TBCEL: variants seen among roughly 807,000 people sequenced by gnomAD.
TBCEL encodes tubulin-specific chaperone cofactor E-like protein.
Under a neutral mutation model 44.2 loss-of-function variants are expected in TBCEL, and 15 were observed. That is an observed-to-expected ratio of 0.34 (90% CI 0.23 to 0.52). TBCEL has a LOEUF of 0.52. TBCEL is among the 20% of genes least tolerant of loss of function. TBCEL has a pLI of 0.95. For synonymous variants in TBCEL, 171 were observed against 185.4 expected (o/e 0.92, Z 0.63); for missense variants, 319 against 506.3 (o/e 0.63, Z 3.55).
intron 8 of TBCEL, among the ~76,000 whole-genome samples, 191 bp downstream of exon 8, chr11:121,060,276 T>A (rs1033666094): frequency 1.1e-4 from 17 of 151,968 alleles, no homozygotes; most frequent in Non-Finnish European, 1.5e-5. Context: ...TTCTTTCAGC[T>A]TTGCACATGT....
intron 2 of TBCEL, among the ~76,000 whole-genome samples, chr11:121,043,447 T>C (rs1485342385): frequency 6.6e-6 from 1 of 152,136 alleles, no homozygotes; most frequent in Non-Finnish European, 1.5e-5. Flanking sequence ...GAAGTAAATA[T>C]GTCACCACTA....
intron 6 of TBCEL, among the ~76,000 whole-genome samples, chr11:121,056,883 C>G (rs12286041): frequency 0.013 from 1,898 of 151,792 alleles, 36 homozygotes; most frequent in African/African-American, 0.043. Context: ...AATAACAGTT[C>G]TTTATGAGAT....
intron 1 of TBCEL, among the ~76,000 whole-genome samples, chr11:121,029,289 C>T (rs1945102250): frequency 6.6e-6 from 1 of 152,110 alleles, no homozygotes; most frequent in African/African-American, 2.4e-5. Context: ...CATGTATTCC[C>T]ACCTCTGCCA....
intron 4 of TBCEL, among the ~76,000 whole-genome samples, chr11:121,048,990 C>T (rs1226061449): frequency 6.6e-6 from 1 of 151,928 alleles, no homozygotes; most frequent in Admixed American, 6.6e-5. Flanking sequence ...AGCACCTACA[C>T]TATACCACTG....
At chr11:121,027,712 T>C (rs1230838704) in intron 1 of TBCEL, among the ~76,000 whole-genome samples, 5 of 152,234 alleles carry the variant, frequency 3.3e-5, no homozygotes, top group Non-Finnish European at 7.3e-5. Flanking sequence ...CTTTGAAGTC[T>C]TTGTTGCTTA....
At chr11:121,065,114 T>A (rs1204060178) in intron 8 of TBCEL, among the ~76,000 whole-genome samples, 1 of 152,162 alleles carries the variant, frequency 6.6e-6, no homozygotes, top group Non-Finnish European at 1.5e-5. Flanking sequence ...GTGTGAGCCA[T>A]TGCACCCGGC....
intron 8 of TBCEL, among the ~76,000 whole-genome samples, chr11:121,068,073 G>A (rs984188765): frequency 6.6e-6 from 1 of 152,184 alleles, no homozygotes; most frequent in Non-Finnish European, 1.5e-5. Flanking sequence ...CAGTCCCGAG[G>A]CTTTCAGTGC....
chr11:121,060,932 C>G (rs946293005), intron 8 of TBCEL, among the ~76,000 whole-genome samples: 1 of 151,930 alleles, frequency 6.6e-6, no homozygotes, highest in African/African-American at 2.4e-5. Flanking sequence ...GGTTCTAATT[C>G]ATTCTTATTG....
chr11:121,060,724 A>T (rs924332524), intron 8 of TBCEL, among the ~76,000 whole-genome samples: 2 of 151,950 alleles, frequency 1.3e-5, no homozygotes, highest in Admixed American at 6.6e-5. Context: ...AGAAAAAAAA[A>T]TACCCCCCAA....
intron 1 of TBCEL, among the ~76,000 whole-genome samples, chr11:121,025,956 C>G (rs979659215): frequency 6.6e-6 from 1 of 152,096 alleles, no homozygotes; most frequent in African/African-American, 2.4e-5. Flanking sequence ...ATATGAGAGG[C>G]CTAGTTCCAC....
chr11:121,061,607 T>C (rs969758960), intron 8 of TBCEL, among the ~76,000 whole-genome samples: 3 of 152,100 alleles, frequency 2.0e-5, no homozygotes, highest in Non-Finnish European at 4.4e-5. Context: ...GTACAGCATG[T>C]GACTATAATG....
intron 8 of TBCEL, among the ~76,000 whole-genome samples, chr11:121,075,696 T>C (rs910057378): frequency 6.6e-6 from 1 of 151,970 alleles, no homozygotes; most frequent in Non-Finnish European, 1.5e-5. Context: ...CCTATACATC[T>C]TTTATTAGAT....
Position 121,089,806 on chromosome 11 carries a change from T to C in TBCEL, c.*2710T>C, listed in dbSNP as rs1946266045. 2.0e-5 allele frequency: 3 copies of C among 152,200 alleles called. No individual in the cohort carries two copies. The highest frequency in any genetic ancestry group is 2.1e-4 in the South Asian group (1 of 4,826). The allele number at this position is 152,200 out of a possible 1,614,324, so 9.4% of individuals were successfully genotyped here. A position where few individuals can be genotyped will look rare whatever the true frequency, so the allele number is the denominator to read the frequency against. On this transcript the variant is annotated 3_prime_UTR_variant, in exon 9 of 9. Coordinates refer to ENST00000683345, the MANE Select transcript of TBCEL (RefSeq NM_001363644.2). ...GCTGTCATAGCCAGTATTACTGATA[T>C]GTTGCTACAGACACAATGTATAGAA...
At chr11:121,033,004 CTT>C (rs970747479) in intron 1 of TBCEL, among the ~76,000 whole-genome samples, 1 of 152,122 alleles carries the variant, frequency 6.6e-6, no homozygotes, top group African/African-American at 2.4e-5. Context: ...TTTTAGGAAA[CTT>C]AGCATTAGCA....
intron 8 of TBCEL, among the ~76,000 whole-genome samples, chr11:121,084,123 T>C (rs1405044769): frequency 3.9e-5 from 6 of 152,192 alleles, no homozygotes; most frequent in Non-Finnish European, 7.4e-5. Context: ...CCTAGTCGCC[T>C]CTAAAAGGTG....
In TBCEL at chr11:121,058,522, A is replaced by G. The variant is rs764373471; in HGVS notation, c.839+51A>G. 1.9e-6 allele frequency: 3 copies of G among 1,601,062 alleles called. No individual in the cohort carries two copies. The East Asian group carries it at 6.7e-5, about 36-fold the overall frequency. On this transcript the variant is annotated intron_variant, in intron 7 of 8. Transcript: ENST00000683345. ...TATTTTTGTGAGGCCTTATTGTTTC[A>G]TTAAAGGAATAATGCACTGTTTAGT...
chr11:121,068,406 A>G (rs1945861978), intron 8 of TBCEL, among the ~76,000 whole-genome samples: 1 of 148,506 alleles, frequency 6.7e-6, no homozygotes, highest in African/African-American at 2.5e-5. Context: ...TTTCAGTTCT[A>G]CTTTCAAAAC....
chr11:121,032,743 A>G (rs1945166699), intron 1 of TBCEL, among the ~76,000 whole-genome samples: 1 of 152,200 alleles, frequency 6.6e-6, no homozygotes, highest in Admixed American at 6.5e-5. Flanking sequence ...GATCATGGAA[A>G]GGACACTTGT....
rs372272358 is a variant in TBCEL, at chr11:121,086,871, T to C, written c.1050T>C (p.Phe350=). 9 of 1,613,872 alleles carry C rather than the reference T, an allele frequency of 5.6e-6. No individual in the cohort carries two copies. The highest frequency in any genetic ancestry group is 3.4e-6 in the Non-Finnish European group (4 of 1,179,974). ...PQSSAKVEVH[F]NDQVEEMSIR... ...GCAGTGCAAAAGTAGAAGTCCACTT[T>C]AACGATCAGGTGGAAGAAATGAGCA... is the stretch of plus-strand genomic sequence containing the variant. Residue 350 remains phenylalanine (F), a synonymous_variant, in exon 9 of 9, where the codon TTT becomes TTC. Transcript: ENST00000683345.
Sources: allele counts gnomAD v4.1 joint callset (sites outside exome capture counted in the v4.1 genomes callset), GRCh38; gene constraint gnomAD v4.1.1; transcripts MANE v1.5; gene names NCBI Gene and HGNC (gene_info 2026-07-23, HGNC 2026-07-21).